XKR6: variants seen among roughly 807,000 people sequenced by gnomAD.
XKR6 encodes the protein XK related 6, also known as XK-related protein 6.
Under a neutral mutation model 56.7 loss-of-function variants are expected in XKR6, and 22 were observed. The observed-to-expected ratio is 0.39, with a 90% CI of 0.28 to 0.55. XKR6 has a LOEUF of 0.55. Ranked by LOEUF, XKR6 falls within the 20% of genes least tolerant of loss-of-function variation. XKR6 has a pLI of 0.66. For synonymous variants in XKR6, 524 were observed against 387.8 expected (o/e 1.35, Z -4.13); for missense variants, 852 against 889.0 (o/e 0.96, Z 0.53).
At chr8:11,135,991 C>T (rs1242062327) in intron 1 of XKR6, among the ~76,000 whole-genome samples, 1 of 152,222 alleles carries the variant, frequency 6.6e-6, no homozygotes, top group Non-Finnish European at 1.5e-5. Flanking sequence ...AGTGTTTCAA[C>T]AATTCTAAGA....
intron 1 of XKR6, among the ~76,000 whole-genome samples, chr8:11,153,823 A>G (rs544156883): frequency 1.3e-5 from 2 of 152,310 alleles, no homozygotes; most frequent in East Asian, 3.9e-4. Context: ...CCAACCCATC[A>G]ACAGATCCTC....
chr8:11,161,725 T>C (rs879853805), intron 1 of XKR6, among the ~76,000 whole-genome samples: 1 of 152,214 alleles, frequency 6.6e-6, no homozygotes, highest in Non-Finnish European at 1.5e-5. Context: ...GTCAATCACT[T>C]TGGAAGCTAT....
intron 1 of XKR6, among the ~76,000 whole-genome samples, chr8:11,052,938 G>A (rs1042570547): frequency 4.0e-4 from 61 of 152,280 alleles, no homozygotes; most frequent in Middle Eastern, 3.4e-3. Flanking sequence ...CTGAAGCCCC[G>A]GCCTGTGCTG....
At chr8:10,933,740 C>A (rs1414275820) in intron 1 of XKR6, among the ~76,000 whole-genome samples, 1 of 150,254 alleles carries the variant, frequency 6.7e-6, no homozygotes, top group African/African-American at 2.5e-5. Flanking sequence ...GGGCTCTATT[C>A]TGTTCCATTG....
intron 1 of XKR6, among the ~76,000 whole-genome samples, chr8:11,005,223 T>C (rs1798338671): frequency 6.6e-6 from 1 of 152,118 alleles, no homozygotes; most frequent in South Asian, 2.1e-4. Flanking sequence ...TTCATCATGC[T>C]GCTCAACATG....
intron 1 of XKR6, among the ~76,000 whole-genome samples, chr8:11,005,842 CTT>C (rs56880407): frequency 9.6e-4 from 117 of 121,324 alleles, no homozygotes; most frequent in African/African-American, 3.5e-3. Flanking sequence ...TTCTTTCTTT[CTT>C]TTTTTTTTTT....
In XKR6 at chr8:11,040,817, C is replaced by G. The variant is rs1299165534; in HGVS notation, c.765-115987G>C. 2.6e-5 allele frequency among the ~76,000 whole-genome samples: 4 copies of G among 152,224 alleles called. No homozygotes were observed. The South Asian group carries it at 8.3e-4, about 32-fold the overall frequency. On this transcript the variant is annotated intron_variant, in intron 1 of 2. Coordinates refer to ENST00000416569, the MANE Select transcript of XKR6 (RefSeq NM_173683.4). ...CACATGCATTTGGGGGACATTAACA[C>G]TCTGGCTGTAGCTAATGGCCTCCTG...
chr8:10,911,558 ATATC>A (rs1563283582), intron 2 of XKR6, among the ~76,000 whole-genome samples: 1 of 146,442 alleles, frequency 6.8e-6, no homozygotes, highest in African/African-American at 2.5e-5. Context: ...TATAGAGAGA[ATATC>A]TATATATATA....
chr8:10,925,476 G>T (rs1390588647), intron 1 of XKR6, among the ~76,000 whole-genome samples: 1 of 152,144 alleles, frequency 6.6e-6, no homozygotes, highest in Non-Finnish European at 1.5e-5. Context: ...GACATCAGGG[G>T]GACCCAGGGC....
chr8:10,973,916 G>C (rs1336459185), intron 1 of XKR6, among the ~76,000 whole-genome samples: 2 of 152,170 alleles, frequency 1.3e-5, no homozygotes, highest in South Asian at 4.1e-4. Flanking sequence ...TCTGCTTCTT[G>C]TTAGCACAGT....
intron 1 of XKR6, among the ~76,000 whole-genome samples, chr8:11,071,963 G>A (rs1800142215): frequency 6.6e-6 from 1 of 151,968 alleles, no homozygotes; most frequent in South Asian, 2.1e-4. Context: ...TCGAAGTCCA[G>A]AATAATATAC....
chr8:11,106,602 A>C (rs944288060), intron 1 of XKR6: 2 of 152,338 alleles, frequency 1.3e-5, no homozygotes, highest in Non-Finnish European at 2.9e-5. Context: ...TAATCCCAGC[A>C]CTTTGGGAGG....
At chr8:11,134,382 G>A (rs905078077) in intron 1 of XKR6, among the ~76,000 whole-genome samples, 2 of 152,114 alleles carry the variant, frequency 1.3e-5, no homozygotes, top group Non-Finnish European at 2.9e-5. Context: ...AAACTAATAA[G>A]TATTAGCAAG....
chr8:10,932,601 G>A (rs7461041), intron 1 of XKR6, among the ~76,000 whole-genome samples: 14,064 of 115,060 alleles, frequency 0.12, 1,048 homozygotes, highest in Middle Eastern at 0.2. Context: ...ACAGTCCCCA[G>A]AGTGTGATAT....
chr8:11,181,869 T>C (rs957415923), intron 1 of XKR6, among the ~76,000 whole-genome samples: 1 of 152,194 alleles, frequency 6.6e-6, no homozygotes, highest in Non-Finnish European at 1.5e-5. Context: ...TTTTTTCTCT[T>C]GGAGACAGGG....
At chr8:10,979,883 C>G (rs1342059819) in intron 1 of XKR6, among the ~76,000 whole-genome samples, 1 of 152,178 alleles carries the variant, frequency 6.6e-6, no homozygotes, top group Non-Finnish European at 1.5e-5. Flanking sequence ...CTCTGGTCCT[C>G]TTGGTGTTTG....
chr8:11,082,430 T>G (rs900475347), intron 1 of XKR6, among the ~76,000 whole-genome samples: 3 of 152,224 alleles, frequency 2.0e-5, no homozygotes, highest in Non-Finnish European at 4.4e-5. Flanking sequence ...TCCAAAGAGG[T>G]TGGCAGCTTC....
chr8:10,984,720 C>CTATATGTATATATATA (rs1212342415), intron 1 of XKR6, among the ~76,000 whole-genome samples: 8 of 83,264 alleles, frequency 9.6e-5, no homozygotes, highest in African/African-American at 4.2e-4. Flanking sequence ...CTCTCTCTCT[C>CTATATGTATATATATA]TCTCTCTCTC....
At chr8:10,946,601 T>C (rs541813392) in intron 1 of XKR6, among the ~76,000 whole-genome samples, 1 of 152,158 alleles carries the variant, frequency 6.6e-6, no homozygotes, top group South Asian at 2.1e-4. Flanking sequence ...GCCCGAAACA[T>C]GCCCCTTTAT....
Sources: allele counts gnomAD v4.1 joint callset (sites outside exome capture counted in the v4.1 genomes callset), GRCh38; gene constraint gnomAD v4.1.1; transcripts MANE v1.5; gene names NCBI Gene and HGNC (gene_info 2026-07-23, HGNC 2026-07-21).